SLC39A9: variants seen among roughly 807,000 people sequenced by gnomAD.
SLC39A9 encodes solute carrier family 39 member 9.
SLC39A9 carries 14 observed loss-of-function variants against 28.4 expected under a neutral mutation model. That is an observed-to-expected ratio of 0.49 (90% CI 0.33 to 0.77). The LOEUF is 0.77. Ranked by LOEUF, SLC39A9 falls within the 30% of genes least tolerant of loss-of-function variation. The pLI, the probability that SLC39A9 is intolerant of heterozygous loss-of-function variation, is 0.02. For synonymous variants in SLC39A9, 119 were observed against 149.6 expected, an observed-to-expected ratio of 0.80 and a Z score of 1.49; for missense variants, 283 against 381.1, an observed-to-expected ratio of 0.74 and a Z score of 2.14.
intron 2 of SLC39A9, among the ~76,000 whole-genome samples, chr14:69,427,647 G>C (rs898977096): frequency 2.6e-5 from 4 of 152,080 alleles, no homozygotes; most frequent in African/African-American, 9.7e-5. Flanking sequence ...ATATAGTTTT[G>C]CCTTTTCAGA....
Position 69,424,159 on chromosome 14 carries a change from C to A in SLC39A9, c.162C>A (p.Ile54=), listed in dbSNP as rs376756341. The A allele has an allele frequency of 1.9e-6, 3 of 1,613,648 alleles. No individual in the cohort carries two copies. In the African/African-American group the frequency reaches 4.0e-5, roughly 22 times the overall value. Residue 54 remains isoleucine, a synonymous_variant, in exon 2 of 7, where the codon ATC becomes ATA. Coordinates refer to ENST00000336643, the MANE Select transcript of SLC39A9 (RefSeq NM_018375.5). Reference sequence around the variant, plus strand: ...TCTGTGGAACTGCTCTGGCAGTCATCGTGCCTGAAGGAGTACATGCCCTTT... The same window carrying A: ...TCTGTGGAACTGCTCTGGCAGTCATAGTGCCTGAAGGAGTACATGCCCTTT... ...GLLCGTALAV[I]VPEGVHALYE...
Position 69,430,775 on chromosome 14 carries a change from T to C in SLC39A9, c.205+6573T>C, listed in dbSNP as rs115349573. Among the ~76,000 whole-genome samples the C allele has an allele frequency of 5.4e-3, 814 of 152,126 alleles. 5 individuals carry two copies. Among genetic ancestry groups the C allele is most frequent in the African/African-American group, 0.018 (763 of 41,486 alleles). On this transcript the variant is annotated intron_variant, in intron 2 of 6. Transcript: ENST00000336643. ...CCTCTCCAGCAGCTAGGACTACAGG[T>C]GCATGCCACCATGTCTGGCTAATTA...
chr14:69,428,376 G>A (rs1884308123), intron 2 of SLC39A9, among the ~76,000 whole-genome samples: 1 of 151,948 alleles, frequency 6.6e-6, no homozygotes, highest in African/African-American at 2.4e-5. Flanking sequence ...TGTTGAAAAT[G>A]AAGCCTGCAG....
intron 3 of SLC39A9, among the ~76,000 whole-genome samples, chr14:69,446,198 C>G (rs1885291981): frequency 6.6e-6 from 1 of 151,586 alleles, no homozygotes; most frequent in East Asian, 1.9e-4. Flanking sequence ...AGAAAGAACC[C>G]CTATAGGGAC....
chr14:69,406,181 A>G (rs1027197263), intron 1 of SLC39A9, among the ~76,000 whole-genome samples: 1 of 152,240 alleles, frequency 6.6e-6, no homozygotes, highest in African/African-American at 2.4e-5. Context: ...CTTTCTGCCT[A>G]GTCAGTGGAG....
chr14:69,405,445 T>G (rs1212894049), intron 1 of SLC39A9, among the ~76,000 whole-genome samples: 1 of 152,178 alleles, frequency 6.6e-6, no homozygotes, highest in Non-Finnish European at 1.5e-5. Flanking sequence ...CTGTTTGGAA[T>G]TTCATTTGTA....
Position 69,424,098 on chromosome 14 carries a change from G to A in SLC39A9, c.101G>A (p.Arg34Gln), listed in dbSNP as rs756265350. ...IPLAVNFSEE[R>Q]LKLVTVLGAG... The stretch of plus-strand genomic sequence containing the variant: ...TTTCTTTTGCTTTCTCCCCAGGAAC[G>A]ACTGAAGCTGGTGACTGTTTTGGGT... The change falls in exon 2 of 7, where the codon CGA becomes CAA. Residue 34 changes from arginine to glutamine, a missense_variant. Physicochemically the swap from Arg to Gln is conservative, Grantham distance 43. Transcript: ENST00000336643. 2 of 1,613,262 alleles carry A rather than the reference G, an allele frequency of 1.2e-6. No individual in the cohort carries two copies. Among genetic ancestry groups the A allele is most frequent in the Non-Finnish European group, 1.7e-6 (2 of 1,179,422 alleles).
intron 1 of SLC39A9, among the ~76,000 whole-genome samples, chr14:69,406,298 G>A (rs1882908421): frequency 2.0e-5 from 3 of 152,084 alleles, no homozygotes; most frequent in African/African-American, 7.2e-5. Context: ...TGCCAATTTG[G>A]AATCTGAAGT....
At position 69,399,374 on chromosome 14, in the gene SLC39A9, A is replaced by G; in HGVS notation, c.5A>G (p.Asp2Gly). 1 of 1,613,942 alleles carries G rather than the reference A, an allele frequency of 6.2e-7. No individual in the cohort carries two copies. The highest frequency in any genetic ancestry group is 8.5e-7 in the Non-Finnish European group (1 of 1,179,914). M[D>G]DFISISLLSL... ...GGGTGAATAAAGGAGGGCAGAATGG[A>G]TGATTTCATCTCCATTAGCCTGCTG... Residue 2 changes from aspartate to glycine, a missense_variant, in exon 1 of 7, where the codon GAT becomes GGT. Asp to Gly is a moderately conservative substitution (Grantham distance 94). Transcript: ENST00000336643.
intron 1 of SLC39A9, among the ~76,000 whole-genome samples, chr14:69,404,334 G>A (rs568780042): frequency 5.3e-5 from 8 of 152,326 alleles, no homozygotes; most frequent in African/African-American, 1.9e-4. Context: ...AAAAGGGACT[G>A]TCTGAGACAG....
intron 1 of SLC39A9, among the ~76,000 whole-genome samples, chr14:69,400,392 A>G (rs1416690942): frequency 6.6e-6 from 1 of 152,246 alleles, no homozygotes; most frequent in African/African-American, 2.4e-5. Flanking sequence ...GAAGAGGGAT[A>G]GATGAAAGCA....
intron 3 of SLC39A9, among the ~76,000 whole-genome samples, chr14:69,444,678 A>G (rs950663914): frequency 6.6e-6 from 1 of 152,212 alleles, no homozygotes; most frequent in African/African-American, 2.4e-5. Context: ...CCAATATGAA[A>G]ATACATATGC....
intron 1 of SLC39A9, among the ~76,000 whole-genome samples, chr14:69,413,724 A>G (rs1883412645): frequency 6.6e-6 from 1 of 151,890 alleles, no homozygotes; most frequent in Non-Finnish European, 1.5e-5. Context: ...TTTTTTGGAG[A>G]TAAATTTTTT....
intron 1 of SLC39A9, among the ~76,000 whole-genome samples, chr14:69,417,855 TAAG>T (rs1458848597): frequency 3.9e-5 from 6 of 152,314 alleles, no homozygotes; most frequent in African/African-American, 1.2e-4. Context: ...CTTATCAGCT[TAAG>T]GAGATTTTGG....
intron 1 of SLC39A9, among the ~76,000 whole-genome samples, chr14:69,403,619 A>C (rs2140244329): frequency 6.6e-6 from 1 of 152,406 alleles, no homozygotes; most frequent in East Asian, 1.9e-4. Context: ...TAAATTCAAC[A>C]GATAAAAAAT....
intron 3 of SLC39A9, among the ~76,000 whole-genome samples, chr14:69,452,744 G>A (rs1885671655): frequency 6.6e-6 from 1 of 152,118 alleles, no homozygotes; most frequent in African/African-American, 2.4e-5. Flanking sequence ...TGAAAATTTA[G>A]GTTAGGGTGA....
At chr14:69,410,349 G>A (rs948153171) in intron 1 of SLC39A9, among the ~76,000 whole-genome samples, 1 of 152,082 alleles carries the variant, frequency 6.6e-6, no homozygotes, top group East Asian at 1.9e-4. Context: ...CAGTGGAGGT[G>A]CTTAGAAGCT....
In SLC39A9 at chr14:69,461,658, A is replaced by G. The variant is rs909402721; in HGVS notation, c.*3065A>G. The stretch of plus-strand genomic sequence containing the variant: ...GATTGTGTTTTTTTTTTACCAGCCT[A>G]CTTCTAAGTGTCACTGCCTGGTTTT... On this transcript the variant is annotated 3_prime_UTR_variant, in exon 7 of 7. Transcript: ENST00000336643. 3 of 1,534,952 alleles carry G rather than the reference A, an allele frequency of 2.0e-6. No individual in the cohort carries two copies. Among genetic ancestry groups the G allele is most frequent in the Non-Finnish European group, 2.6e-6 (3 of 1,146,454 alleles).
At chr14:69,424,841 C>G (rs1594921508) in intron 2 of SLC39A9, among the ~76,000 whole-genome samples, 2 of 152,282 alleles carry the variant, frequency 1.3e-5, no homozygotes, top group East Asian at 3.9e-4. Flanking sequence ...GAAGGATTGA[C>G]ACCACAGCTG....
Sources: gnomAD v4.1 joint callset for allele counts (sites outside exome capture counted in the v4.1 genomes callset) on GRCh38, gnomAD v4.1.1 for gene constraint, MANE v1.5 for transcripts, NCBI Gene and HGNC (gene_info 2026-07-23, HGNC 2026-07-21) for gene names.